PCDH15: variants seen among roughly 807,000 people sequenced by gnomAD.
The protein encoded by PCDH15 is protocadherin related 15.
A neutral mutation model predicts 178.5 loss-of-function variants in PCDH15; 129 were observed. The ratio of observed to expected loss-of-function variants is 0.72; its 90% CI spans 0.63 to 0.84. The LOEUF is 0.84. PCDH15 is among the 40% of genes least tolerant of loss of function. The pLI, the probability that PCDH15 is intolerant of heterozygous loss-of-function variation, is 0.00. For missense variants in PCDH15, 2,230 were observed against 2,099.9 expected (o/e 1.06, Z -1.21); for synonymous variants, 800 against 732.0 (o/e 1.09, Z -1.50).
rs558362379 is a variant in PCDH15, at chr10:53,814,740, C to T, written c.4491+1499G>A. ...CAGCACTTTGGGAGGCCGAGGTGGG[C>T]GGATCACAAGGTCGAGAGACAGAGA... is the stretch of plus-strand genomic sequence containing the variant. On this transcript the variant is annotated intron_variant, in intron 35 of 37. Coordinates refer to ENST00000644397, the MANE Select transcript of PCDH15 (RefSeq NM_001384140.1). Among the ~76,000 whole-genome samples, 10 of 151,928 alleles carry T rather than the reference C, an allele frequency of 6.6e-5. No individual in the cohort carries two copies. In the East Asian group the frequency reaches 7.8e-4, roughly 12 times the overall value.
chr10:54,116,798 C>T (rs187897516), intron 15 of PCDH15, among the ~76,000 whole-genome samples: 36 of 152,198 alleles, frequency 2.4e-4, no homozygotes, highest in African/African-American at 8.2e-4. Flanking sequence ...AGTGATTTGA[C>T]AGTAATTTTA....
intron 20 of PCDH15, among the ~76,000 whole-genome samples, chr10:54,017,374 C>T (rs1483374709): frequency 6.6e-6 from 1 of 152,036 alleles, no homozygotes; most frequent in East Asian, 1.9e-4. Context: ...ATAACAAAGA[C>T]ATGGAATCGA....
At chr10:55,476,786 T>G (rs772127312) in intron 2 of PCDH15, among the ~76,000 whole-genome samples, 6 of 152,052 alleles carry the variant, frequency 3.9e-5, no homozygotes, top group Non-Finnish European at 7.4e-5. Flanking sequence ...CAAGCACTCT[T>G]GCATTCAAAA....
In PCDH15 at chr10:54,719,501, T is replaced by G. The variant is rs185920662; in HGVS notation, c.-28-55211A>C. On this transcript the variant is annotated intron_variant, in intron 1 of 37. Coordinates refer to ENST00000644397, the MANE Select transcript of PCDH15 (RefSeq NM_001384140.1). ...TTTTTTGTGCAAATGGTAGCTATTT[T>G]TATTATTTCCTTTTTTTTTTAAATT... 2.7e-5 allele frequency among the ~76,000 whole-genome samples: 4 copies of G among 150,564 alleles called. No individual in the cohort carries two copies. The East Asian group carries it at 7.8e-4, about 29-fold the overall frequency.
Position 54,906,035 on chromosome 10 carries a change from G to A in PCDH15, c.-79-8535C>T, listed in dbSNP as rs76042428. On this transcript the variant is annotated intron_variant, in intron 2 of 5. Transcript: ENST00000458638. ...GAACTCTTTAGTAAAGACAAAGGAG[G>A]AAAAGGCAAAATCTTTCTCTCACCC... 6.1e-3 allele frequency among the ~76,000 whole-genome samples: 925 copies of A among 152,178 alleles called. 10 individuals carry two copies. The highest frequency in any genetic ancestry group is 0.02 in the African/African-American group (830 of 41,548).
chr10:54,201,322 C>T (rs541355674), intron 10 of PCDH15, among the ~76,000 whole-genome samples: 11 of 151,986 alleles, frequency 7.2e-5, no homozygotes, highest in Non-Finnish European at 1.5e-4. Context: ...CCTACTGAAG[C>T]ATTAAAGGTA....
intron 1 of PCDH15, among the ~76,000 whole-genome samples, chr10:55,285,062 C>T (rs117473876): frequency 0.023 from 3,538 of 151,094 alleles, 52 homozygotes; most frequent in Non-Finnish European, 0.039. Context: ...TTCTTAATCT[C>T]TCTGAAGATA....
intron 1 of PCDH15, among the ~76,000 whole-genome samples, chr10:54,734,676 A>G (rs777721632): frequency 2.6e-4 from 39 of 152,118 alleles, no homozygotes; most frequent in Middle Eastern, 6.8e-3. Context: ...AATAAAAAGA[A>G]AAATGAGCTC....
At chr10:55,134,412 T>C (rs1428759634) in intron 2 of PCDH15, among the ~76,000 whole-genome samples, 2 of 152,202 alleles carry the variant, frequency 1.3e-5, no homozygotes, top group African/African-American at 2.4e-5. Flanking sequence ...TAGTATAATA[T>C]TGACTCCTTA....
chr10:55,453,683 C>G (rs1432863146), intron 2 of PCDH15, among the ~76,000 whole-genome samples: 6 of 152,108 alleles, frequency 3.9e-5, no homozygotes, highest in Non-Finnish European at 8.8e-5. Flanking sequence ...ATGCTGGATA[C>G]TGACCCTGAC....
chr10:55,317,935 A>C (rs1843769605), intron 1 of PCDH15, among the ~76,000 whole-genome samples: 1 of 152,212 alleles, frequency 6.6e-6, no homozygotes, highest in African/African-American at 2.4e-5. Context: ...TTCAGTTAAA[A>C]TAAAAGAAAG....
chr10:55,185,705 C>T (rs1839780157), intron 1 of PCDH15, among the ~76,000 whole-genome samples: 1 of 151,634 alleles, frequency 6.6e-6, no homozygotes, highest in South Asian at 2.1e-4. Flanking sequence ...TATGCATGAA[C>T]AGAACACCTT....
intron 11 of PCDH15, among the ~76,000 whole-genome samples, chr10:54,186,208 GTGT>G (rs1353188769): frequency 1.3e-5 from 2 of 151,972 alleles, no homozygotes; most frequent in African/African-American, 2.4e-5. Context: ...GGGAGGTAAG[GTGT>G]TGTTCTAGAT....
chr10:54,324,723 C>A (rs2133809566), intron 7 of PCDH15, among the ~76,000 whole-genome samples: 1 of 152,088 alleles, frequency 6.6e-6, no homozygotes, highest in East Asian at 1.9e-4. Flanking sequence ...CGAGATCACC[C>A]CCCTGCACTA....
rs1463792507 is a variant in PCDH15, at chr10:54,752,535, A to C, written c.-29+48390T>G. Among the ~76,000 whole-genome samples the C allele has an allele frequency of 1.2e-3, 182 of 147,924 alleles. 1 individual carries two copies. Among genetic ancestry groups the C allele is most frequent in the Non-Finnish European group, 2.0e-3 (135 of 66,460 alleles). ...AAACAAACAAACAAACAAACAAAAA[A>C]AAACAATAAAACAATTTTCCTATAT... On this transcript the variant is annotated intron_variant, in intron 1 of 37. Transcript: ENST00000644397.
intron 1 of PCDH15, among the ~76,000 whole-genome samples, chr10:55,270,622 G>C (rs1842418909): frequency 6.7e-6 from 1 of 149,290 alleles, no homozygotes; most frequent in African/African-American, 2.4e-5. Context: ...AATGGCTATT[G>C]TTAAAAAAAT....
intron 18 of PCDH15, among the ~76,000 whole-genome samples, chr10:54,033,183 T>C (rs1008353471): frequency 4.6e-5 from 7 of 151,982 alleles, no homozygotes; most frequent in Non-Finnish European, 8.8e-5. Flanking sequence ...TATATATACC[T>C]ATTTTTGTAT....
intron 1 of PCDH15, among the ~76,000 whole-genome samples, chr10:54,708,372 C>A (rs369586283): frequency 6.6e-6 from 1 of 152,132 alleles, no homozygotes; most frequent in Non-Finnish European, 1.5e-5. Flanking sequence ...TAGACTAACC[C>A]AAGTTGGACT....
At chr10:53,883,400 T>C (rs1463684547) in intron 26 of PCDH15, among the ~76,000 whole-genome samples, 2 of 152,156 alleles carry the variant, frequency 1.3e-5, no homozygotes, top group African/African-American at 4.8e-5. Context: ...TAAAGAGATA[T>C]ATTTTTTTCT....
Sources: allele counts gnomAD v4.1 joint callset (sites outside exome capture counted in the v4.1 genomes callset), GRCh38; gene constraint gnomAD v4.1.1; transcripts MANE v1.5; gene names NCBI Gene and HGNC (gene_info 2026-07-23, HGNC 2026-07-21).